PAWR: variants seen among roughly 807,000 people sequenced by gnomAD.
PAWR encodes PRKC apoptosis WT1 regulator protein.
A neutral mutation model predicts 32.0 loss-of-function variants in PAWR; 23 were observed. That is an observed-to-expected ratio of 0.72 (90% CI 0.52 to 1.02). PAWR has a LOEUF of 1.02. Ranked by LOEUF, PAWR falls within the 50% of genes least tolerant of loss-of-function variation. The probability of loss-of-function intolerance (pLI) is 0.00; values close to 1 mark genes in which losing one functional copy is unlikely to be tolerated. For synonymous variants in PAWR, 226 were observed against 187.1 expected, an observed-to-expected ratio of 1.21 and a Z score of -1.70; for missense variants, 457 against 437.7, an observed-to-expected ratio of 1.04 and a Z score of -0.39.
chr12:79,592,827 A>C (rs1210534190), intron 6 of PAWR, 134 bp from the exon 7 acceptor site: 3 of 534,912 alleles, frequency 5.6e-6, no homozygotes, highest in Non-Finnish European at 9.7e-6. Context: ...AAACAACTTT[A>C]GATGTAATAT....
chr12:79,623,991 A>G (rs1592508743), intron 2 of PAWR, among the ~76,000 whole-genome samples: 1 of 152,090 alleles, frequency 6.6e-6, no homozygotes, highest in South Asian at 2.1e-4. Flanking sequence ...GAACAGTAGG[A>G]GAAGCAAAAG....
At chr12:79,642,799 T>C (rs1298154767) in intron 2 of PAWR, among the ~76,000 whole-genome samples, 1 of 152,182 alleles carries the variant, frequency 6.6e-6, no homozygotes, top group African/African-American at 2.4e-5. Context: ...GCTGATCTTA[T>C]TGGAACCAAA....
chr12:79,621,214 GAAAA>G lies in PAWR; in HGVS notation c.517-11_517-8del, dbSNP rs746919194. ...CTTCGTACTCATCTAAGCACTGAAA[GAAAA>G]AAAGAGTTTCCATTTTATTTCTACT... On this transcript the variant is annotated splice_region_variant and splice_polypyrimidine_tract_variant and intron_variant, in intron 2 of 6. Transcript: ENST00000328827. 1 of 1,581,390 alleles carries G rather than the reference GAAAA, an allele frequency of 6.3e-7. No individual in the cohort carries two copies. Among genetic ancestry groups the G allele is most frequent in the Non-Finnish European group, 8.5e-7 (1 of 1,170,492 alleles).
chr12:79,641,751 G>A lies in PAWR; in HGVS notation c.517-20544C>T, dbSNP rs887635250. 3.3e-5 allele frequency among the ~76,000 whole-genome samples: 5 copies of A among 149,346 alleles called. No homozygotes were observed. The Admixed American group carries it at 3.4e-4, about 10-fold the overall frequency. On this transcript the variant is annotated intron_variant, in intron 2 of 6. Coordinates refer to ENST00000328827, the MANE Select transcript of PAWR (RefSeq NM_002583.4). ...AATCCCAGCTTCTTGGGAGGCTGAGGCAGGAGAATCACGTGGACCAGGGAG... is the reference window on the plus strand; with the variant it reads ...AATCCCAGCTTCTTGGGAGGCTGAGACAGGAGAATCACGTGGACCAGGGAG...
intron 4 of PAWR, chr12:79,596,914 C>T (rs552944093): frequency 1.9e-5 from 7 of 368,232 alleles, no homozygotes; most frequent in African/African-American, 4.2e-5. Flanking sequence ...GAAGACGTAA[C>T]AGCAAACACA....
chr12:79,687,515 TC>T (rs1878740388), intron 2 of PAWR, among the ~76,000 whole-genome samples: 1 of 152,208 alleles, frequency 6.6e-6, no homozygotes, highest in Admixed American at 6.5e-5. Context: ...AGAGTCTTAC[TC>T]GACATTAGAT....
Position 79,653,362 on chromosome 12 carries a change from G to A in PAWR, c.517-32155C>T, listed in dbSNP as rs138896958. 4.1e-3 allele frequency among the ~76,000 whole-genome samples: 624 copies of A among 151,834 alleles called. 12 individuals carry two copies. Among genetic ancestry groups the A allele is most frequent in the African/African-American group, 0.014 (592 of 41,414 alleles). On this transcript the variant is annotated intron_variant, in intron 2 of 6. Transcript: ENST00000328827. ...AAAAAATCCTGTTTCAATTCATTTT[G>A]AAACTCTTACCTGATCTACTTTTAA...
At chr12:79,634,797 G>A (rs1875880600) in intron 2 of PAWR, among the ~76,000 whole-genome samples, 1 of 152,006 alleles carries the variant, frequency 6.6e-6, no homozygotes, top group African/African-American at 2.4e-5. Flanking sequence ...GTGACTATGG[G>A]TTGATGATTA....
chr12:79,638,897 T>TATATATATATATATA (rs57439521), intron 2 of PAWR, among the ~76,000 whole-genome samples: 15 of 5,934 alleles, frequency 2.5e-3, no homozygotes, highest in Admixed American at 3.7e-3. Context: ...TATATATATA[T>TATATATATATATATA]TTTTTTTTTT....
At chr12:79,594,977 A>G (rs1223685960) in intron 5 of PAWR, among the ~76,000 whole-genome samples, 1 of 152,198 alleles carries the variant, frequency 6.6e-6, no homozygotes, top group African/African-American at 2.4e-5. Flanking sequence ...TCAGCCTACC[A>G]AAGTGCTGGG....
intron 4 of PAWR, among the ~76,000 whole-genome samples, chr12:79,606,130 T>C (rs1166250846): frequency 6.6e-6 from 1 of 152,146 alleles, no homozygotes; most frequent in Non-Finnish European, 1.5e-5. Flanking sequence ...TGATTCCATT[T>C]ATCTGAAATA....
intron 2 of PAWR, among the ~76,000 whole-genome samples, chr12:79,638,896 ATTTTTTTTTTTTTT>A (rs60375837): frequency 5.0e-4 from 5 of 10,002 alleles, no homozygotes; most frequent in African/African-American, 1.1e-3. Flanking sequence ...ATATATATAT[ATTTTTTTTTTTTTT>A]TTTTTTTTTT....
At position 79,610,197 on chromosome 12, in the gene PAWR, C is replaced by G. The variant is rs1266381843; in HGVS notation, c.683+3378G>C. Reference sequence around the variant, plus strand: ...AAAGCTGTAGCTCATACTGAGGTACCTGGTAGATGTTTGCCAGGAATGCCT... The same window carrying G: ...AAAGCTGTAGCTCATACTGAGGTACGTGGTAGATGTTTGCCAGGAATGCCT... On this transcript the variant is annotated intron_variant, in intron 4 of 6. Transcript: ENST00000328827. Among the ~76,000 whole-genome samples the G allele has an allele frequency of 1.8e-4, 27 of 152,168 alleles. 1 individual carries two copies. The highest frequency in any genetic ancestry group is 4.4e-5 in the Non-Finnish European group (3 of 68,022).
At chr12:79,652,722 C>T (rs915563636) in intron 2 of PAWR, among the ~76,000 whole-genome samples, 3 of 152,142 alleles carry the variant, frequency 2.0e-5, no homozygotes, top group Non-Finnish European at 4.4e-5. Flanking sequence ...CTGTGCATTC[C>T]TGGGAGGATT....
chr12:79,653,377 T>C (rs550482482), intron 2 of PAWR, among the ~76,000 whole-genome samples: 1 of 152,136 alleles, frequency 6.6e-6, no homozygotes, highest in South Asian at 2.1e-4. Context: ...TCTTACCTGA[T>C]CTACTTTTAA....
At position 79,690,282 on chromosome 12, in the gene PAWR, G is replaced by A; in HGVS notation, c.-38C>T. On this transcript the variant is annotated 5_prime_UTR_variant, in exon 2 of 7. Transcript: ENST00000328827. The stretch of plus-strand genomic sequence containing the variant: ...GCCGGTCGGGCTCTCACCTCAGGCC[G>A]CCCACCAGGGCTCCGGCCGCTGCCT... 1.2e-5 allele frequency: 17 copies of A among 1,419,916 alleles called. No homozygotes were observed. Among genetic ancestry groups the A allele is most frequent in the South Asian group, 2.9e-5 (2 of 69,946 alleles). The allele number at this position is 1,419,916 out of a possible 1,614,324, so 88.0% of individuals were successfully genotyped here.
intron 2 of PAWR, among the ~76,000 whole-genome samples, chr12:79,642,448 T>A (rs1049491514): frequency 6.6e-6 from 1 of 152,228 alleles, no homozygotes; most frequent in Non-Finnish European, 1.5e-5. Context: ...CACAGAATTT[T>A]ATTTTCTCAC....
intron 2 of PAWR, among the ~76,000 whole-genome samples, chr12:79,675,011 T>C (rs1878092935): frequency 6.6e-6 from 1 of 152,140 alleles, no homozygotes; most frequent in Non-Finnish European, 1.5e-5. Flanking sequence ...GATTTCTCAA[T>C]GAACTTAAAA....
intron 3 of PAWR, among the ~76,000 whole-genome samples, chr12:79,616,864 TAC>T (rs1874764274): frequency 6.6e-6 from 1 of 152,188 alleles, no homozygotes; most frequent in Admixed American, 6.5e-5. Flanking sequence ...GGTTTGCCAT[TAC>T]AGTCATTCCA....
Sources: gnomAD v4.1 joint callset for allele counts (sites outside exome capture counted in the v4.1 genomes callset) on GRCh38, gnomAD v4.1.1 for gene constraint, MANE v1.5 for transcripts, NCBI Gene and HGNC (gene_info 2026-07-23, HGNC 2026-07-21) for gene names.